Variants in TSPAN14 observed in about 807,000 individuals in gnomAD.
TSPAN14 encodes the protein tetraspanin-14.
A neutral mutation model predicts 36.6 loss-of-function variants in TSPAN14; 16 were observed. That is an observed-to-expected ratio of 0.44 (90% CI 0.30 to 0.66). The LOEUF is 0.66. TSPAN14 is among the 30% of genes least tolerant of loss of function. The pLI, the probability that TSPAN14 is intolerant of heterozygous loss-of-function variation, is 0.12. For missense variants in TSPAN14, 231 were observed against 355.1 expected (o/e 0.65, Z 2.81); for synonymous variants, 139 against 143.8 (o/e 0.97, Z 0.24).
At chr10:80,506,189 T>C (rs1208147881) in intron 3 of TSPAN14, among the ~76,000 whole-genome samples, 1 of 152,218 alleles carries the variant, frequency 6.6e-6, no homozygotes, top group Non-Finnish European at 1.5e-5. Context: ...GCCAGGCAGG[T>C]CTTGAGCTCC....
rs751446367 is a variant in TSPAN14, at chr10:80,504,722, G to A, written c.82-6G>A. 2.4e-5 allele frequency: 39 copies of A among 1,613,972 alleles called. No homozygotes were observed. In the East Asian group the frequency reaches 3.1e-4, roughly 13 times the overall value. Reference sequence around the variant, plus strand: ...CTTCCTTCTCTCTTTCCTCTGCCCCGCTTAGTTGGCTGGAGTTGTCTTCCT... The same window carrying A: ...CTTCCTTCTCTCTTTCCTCTGCCCCACTTAGTTGGCTGGAGTTGTCTTCCT... On this transcript the variant is annotated splice_region_variant and splice_polypyrimidine_tract_variant and intron_variant, in intron 2 of 8. Coordinates refer to ENST00000429989, the Ensembl canonical transcript of TSPAN14.
intron 1 of TSPAN14, chr10:80,466,585 C>T (rs1846262835): frequency 6.6e-6 from 1 of 152,128 alleles, no homozygotes; most frequent in South Asian, 2.1e-4. Context: ...TGTTGTAGCA[C>T]CTACAAGACT....
intron 1 of TSPAN14, among the ~76,000 whole-genome samples, chr10:80,488,537 G>A (rs1171734568): frequency 1.3e-5 from 2 of 151,848 alleles, no homozygotes; most frequent in East Asian, 1.9e-4. Flanking sequence ...AGTGGGGGGC[G>A]AGTGACAGGG....
chr10:80,473,770 C>T (rs529628702), intron 1 of TSPAN14, among the ~76,000 whole-genome samples: 28 of 147,076 alleles, frequency 1.9e-4, no homozygotes, highest in African/African-American at 6.6e-4. Context: ...TCTGATTTTG[C>T]AGTGTTTCTG....
At chr10:80,473,401 G>T (rs1435136610) in intron 1 of TSPAN14, among the ~76,000 whole-genome samples, 1 of 152,194 alleles carries the variant, frequency 6.6e-6, no homozygotes, top group Non-Finnish European at 1.5e-5. Context: ...AGGATGCCAG[G>T]CACTGAGACC....
Position 80,509,348 on chromosome 10 carries a change from C to T in TSPAN14, c.327C>T (p.Ala109=), listed in dbSNP as rs761571527. 17 of 1,613,978 alleles carry T rather than the reference C, an allele frequency of 1.1e-5. No individual in the cohort carries two copies. In the Admixed American group the frequency reaches 1.3e-4, roughly 13 times the overall value. Residue 109 remains alanine, a synonymous_variant, in exon 5 of 9, where the codon GCC becomes GCT. Transcript: ENST00000429989. The surrounding 1 kb of genome is among the most constrained non-coding windows in gnomAD (Gnocchi z 4.7). ...TCTTCTTCCTGGAGCTGGCTGTGGC[C>T]GTGCTGGCCTTCCTGTTCCAGGACT...
intron 2 of TSPAN14, among the ~76,000 whole-genome samples, chr10:80,499,737 T>C (rs1848390572): frequency 6.6e-6 from 1 of 152,178 alleles, no homozygotes; most frequent in South Asian, 2.1e-4. Flanking sequence ...AGGGATAGCC[T>C]TAGGTCCATT....
At chr10:80,454,924 C>T (rs1011083170) in intron 1 of TSPAN14, among the ~76,000 whole-genome samples, 1 of 152,196 alleles carries the variant, frequency 6.6e-6, no homozygotes, top group Non-Finnish European at 1.5e-5. Flanking sequence ...CCCACGCCGC[C>T]GTGGGTCCCA....
rs546274008 is a variant in TSPAN14 at position 80,508,828 on chromosome 10, G to A, written c.280-473G>A. Among the ~76,000 whole-genome samples the A allele has an allele frequency of 3.3e-5, 5 of 152,304 alleles. No individual in the cohort carries two copies. The East Asian group carries it at 9.7e-4, about 29-fold the overall frequency. ...GTAACAGATACGTAGGCACTCGATG[G>A]TTTTGTGTGTGTAGTGGGGAGTCAT... On this transcript the variant is annotated intron_variant, in intron 4 of 8. Transcript: ENST00000429989.
chr10:80,460,095 C>T lies in TSPAN14; in HGVS notation c.-18+5724C>T, dbSNP rs538210577. ...AAGGTAGACTGTATCAGGACTATTA[C>T]GATAGATGTAGGAATTATCGCAATG... On this transcript the variant is annotated intron_variant, in intron 1 of 8. Coordinates refer to ENST00000429989, the Ensembl canonical transcript of TSPAN14. Among the ~76,000 whole-genome samples, 95 of 152,258 alleles carry T rather than the reference C, an allele frequency of 6.2e-4. 1 individual carries two copies. Among genetic ancestry groups the T allele is most frequent in the Middle Eastern group, 6.8e-3 (2 of 294 alleles).
In TSPAN14 at chr10:80,509,522, G is replaced by T; in HGVS notation, c.450+51G>T. 1 of 1,580,102 alleles carries T rather than the reference G, an allele frequency of 6.3e-7. No homozygotes were observed. Among genetic ancestry groups the T allele is most frequent in the East Asian group, 2.2e-5 (1 of 44,622 alleles). ...GATAGAGCATGCACCTCCCTGTGCT[G>T]CCTGGAGCTGAGTCTAGCAGGGGCA... On this transcript the variant is annotated intron_variant, in intron 5 of 8. Transcript: ENST00000429989. The surrounding 1 kb of genome is among the most constrained non-coding windows in gnomAD (Gnocchi z 4.7).
chr10:80,455,807 G>A (rs1845710493), intron 1 of TSPAN14, among the ~76,000 whole-genome samples: 1 of 152,004 alleles, frequency 6.6e-6, no homozygotes, highest in Non-Finnish European at 1.5e-5. Flanking sequence ...TCAAATTGCT[G>A]GGCTCAAGTG....
chr10:80,500,812 C>T (rs1345768170), intron 2 of TSPAN14, among the ~76,000 whole-genome samples: 1 of 152,186 alleles, frequency 6.6e-6, no homozygotes, highest in African/African-American at 2.4e-5. Context: ...GAGCGGTAAG[C>T]GGCCCTACAG....
chr10:80,504,596 G>T (rs543446188), intron 2 of TSPAN14, 132 bp from the exon 3 acceptor site: 15 of 982,828 alleles, frequency 1.5e-5, no homozygotes, highest in Non-Finnish European at 2.2e-5. Context: ...TCATCTGCGG[G>T]GCCTGAGGGG....
chr10:80,500,315 T>C (rs1330532124), intron 2 of TSPAN14, among the ~76,000 whole-genome samples: 5 of 5,038 alleles, frequency 9.9e-4, no homozygotes, highest in South Asian at 0.03. Flanking sequence ...GGCCTTATTC[T>C]TTTTTTTTTT....
chr10:80,512,855 G>A (rs543841195), intron 6 of TSPAN14, among the ~76,000 whole-genome samples: 5 of 150,358 alleles, frequency 3.3e-5, no homozygotes, highest in South Asian at 2.1e-4. Flanking sequence ...CACCACACCC[G>A]GCTAATTATT....
intron 2 of TSPAN14, among the ~76,000 whole-genome samples, chr10:80,494,984 T>TA (rs1848118275): frequency 6.6e-6 from 1 of 152,210 alleles, no homozygotes; most frequent in Non-Finnish European, 1.5e-5. Flanking sequence ...CTTGCAGTCT[T>TA]AAGATACGCA....
At chr10:80,510,173 TTTGA>T (rs1208023802) in intron 5 of TSPAN14, among the ~76,000 whole-genome samples, 1 of 152,258 alleles carries the variant, frequency 6.6e-6, no homozygotes, top group Non-Finnish European at 1.5e-5. Context: ...AAGGCTCTTG[TTTGA>T]TCTGTGTGCT....
intron 1 of TSPAN14, among the ~76,000 whole-genome samples, chr10:80,473,004 T>G (rs1033588397): frequency 2.0e-5 from 3 of 152,202 alleles, no homozygotes; most frequent in Non-Finnish European, 4.4e-5. Context: ...TGGTTTTTAG[T>G]GTGCACCTTG....
Sources: gnomAD v4.1 joint callset for allele counts (sites outside exome capture counted in the v4.1 genomes callset) on GRCh38, gnomAD v4.1.1 for gene constraint, Gnocchi (gnomAD v3.1) non-coding constraint, MANE v1.5 for transcripts, NCBI Gene and HGNC (gene_info 2026-07-23, HGNC 2026-07-21) for gene names.